Variants in RFPL4AL1 observed in about 807,000 individuals in gnomAD.
RFPL4AL1 encodes the protein ret finger protein like 4A like 1, also known as ret finger protein-like 4A-like protein 1.
A neutral mutation model predicts 8.2 loss-of-function variants in RFPL4AL1; 2 were observed. The observed-to-expected ratio is 0.24, with a 90% CI of 0.10 to 0.77. The LOEUF (loss-of-function observed/expected upper bound fraction) is 0.77, where lower values mean the gene tolerates loss of function less well. Ranked by LOEUF, RFPL4AL1 falls within the 30% of genes least tolerant of loss-of-function variation. The pLI is 0.72. For synonymous variants in RFPL4AL1, 25 were observed against 131.8 expected (o/e 0.19, Z 5.55); for missense variants, 57 against 350.3 (o/e 0.16, Z 6.68).
At chr19:55,770,206 T>C (rs1989464858) in intron 1 of RFPL4AL1, among the ~76,000 whole-genome samples, 1 of 151,998 alleles carries the variant, frequency 6.6e-6, no homozygotes, top group Admixed American at 6.6e-5. Flanking sequence ...CCAACACTTA[T>C]CTTTTGTCTT....
intron 1 of RFPL4AL1, among the ~76,000 whole-genome samples, chr19:55,770,820 C>T (rs1401916176): frequency 1.3e-5 from 2 of 151,970 alleles, no homozygotes; most frequent in Non-Finnish European, 2.9e-5. Context: ...TCTCGATTCT[C>T]TTGCGACCAC....
chr19:55,770,403 C>T (rs1279143339), intron 1 of RFPL4AL1, among the ~76,000 whole-genome samples: 1 of 151,932 alleles, frequency 6.6e-6, no homozygotes, highest in Non-Finnish European at 1.5e-5. Context: ...AGTTTCTATT[C>T]CAGAGCAAAA....
intron 1 of RFPL4AL1, among the ~76,000 whole-genome samples, chr19:55,771,088 T>G (rs1413736883): frequency 0.027 from 1,024 of 37,436 alleles, 26 homozygotes; most frequent in African/African-American, 0.049. Context: ...TGTTTTTTGT[T>G]TTTTTTTTTT....
chr19:55,770,703 A>C (rs1165451721), intron 1 of RFPL4AL1, among the ~76,000 whole-genome samples: 1 of 151,948 alleles, frequency 6.6e-6, no homozygotes, highest in Non-Finnish European at 1.5e-5. Flanking sequence ...CCGGTTTTTT[A>C]GCACCTCATG....
chr19:55,772,160 A>C, intron 2 of RFPL4AL1, 70 bp downstream of exon 2: 1 of 1,445,184 alleles, frequency 6.9e-7, no homozygotes, highest in African/African-American at 1.4e-5. Flanking sequence ...ACATTTCTTC[A>C]TTAAACATAG....
chr19:55,770,785 C>T (rs2547281), intron 1 of RFPL4AL1, among the ~76,000 whole-genome samples: 53,067 of 147,640 alleles, frequency 0.36, 9,832 homozygotes, highest in Middle Eastern at 0.5. Context: ...GTTTTGGTCT[C>T]ATGTGAAATT....
Position 55,772,838 on chromosome 19 carries a change from C to G in RFPL4AL1, c.523C>G (p.Gln175Glu). 4 of 1,550,678 alleles carry G rather than the reference C, an allele frequency of 2.6e-6. No homozygotes were observed. The change falls in exon 3 of 3, where the codon CAG becomes GAG. Residue 175 changes from glutamine (Q) to glutamate (E), a missense_variant. Coordinates refer to ENST00000341750, the MANE Select transcript of RFPL4AL1 (RefSeq NM_001277397.2). ...VGVCKESVNR[Q>E]GKIELSSEHG... Reference sequence around the variant, plus strand: ...CGTGTGCAAGGAATCTGTCAACCGACAGGGGAAGATTGAGCTTTCTTCAGA... The same window carrying G: ...CGTGTGCAAGGAATCTGTCAACCGAGAGGGGAAGATTGAGCTTTCTTCAGA...
At chr19:55,771,711 A>G in intron 1 of RFPL4AL1, 85 bp from the exon 2 acceptor site, 7 of 1,439,668 alleles carry the variant, frequency 4.9e-6, no homozygotes, top group Non-Finnish European at 6.6e-6. Flanking sequence ...AGCTCCATGC[A>G]TGTAAAGATA....
intron 1 of RFPL4AL1, among the ~76,000 whole-genome samples, chr19:55,770,308 A>T (rs1356631964): frequency 2.0e-5 from 3 of 151,912 alleles, no homozygotes; most frequent in African/African-American, 7.3e-5. Context: ...TGCCAGAGAG[A>T]ACCCAGTCCC....
At chr19:55,769,732 A>G (rs1261775404) in intron 1 of RFPL4AL1, among the ~76,000 whole-genome samples, 1 of 151,720 alleles carries the variant, frequency 6.6e-6, no homozygotes, top group Non-Finnish European at 1.5e-5. Flanking sequence ...TCTGTCTGCC[A>G]GGCTGGAGTG....
intron 1 of RFPL4AL1, among the ~76,000 whole-genome samples, chr19:55,771,455 G>A (rs1410154856): frequency 1.3e-5 from 2 of 152,026 alleles, no homozygotes; most frequent in African/African-American, 4.8e-5. Flanking sequence ...TTGGCTCACA[G>A]CACATCTCCA....
Position 55,772,793 on chromosome 19 carries a change from AG to A in RFPL4AL1, c.479del (p.Ser160ThrfsTer28), listed in dbSNP as rs1253391980. The A allele has an allele frequency of 1.3e-6, 2 of 1,548,902 alleles. No homozygotes were observed. The highest frequency in any genetic ancestry group is 1.7e-6 in the Non-Finnish European group (2 of 1,145,830). ...RHYWEVDVGT[S>X]QVWDVGVCKE... is the part of the protein sequence containing the mutation. ...TTACTGGGAGGTGGACGTGGGCACC[AG>A]CCAAGTGTGGGATGTGGGCGTGTGC... On this transcript the variant is annotated frameshift_variant, in exon 3 of 3. Transcript: ENST00000341750. LOFTEE classifies it low-confidence loss of function (END_TRUNC).
intron 1 of RFPL4AL1, among the ~76,000 whole-genome samples, chr19:55,770,214 C>G (rs1478014382): frequency 1.3e-5 from 2 of 151,960 alleles, no homozygotes; most frequent in Non-Finnish European, 2.9e-5. Flanking sequence ...TATCTTTTGT[C>G]TTTTTGATCA....
At chr19:55,770,546 A>T (rs1989472601) in intron 1 of RFPL4AL1, among the ~76,000 whole-genome samples, 2 of 151,954 alleles carry the variant, frequency 1.3e-5, no homozygotes, top group South Asian at 4.2e-4. Flanking sequence ...GGAAAAAAGC[A>T]GAGATTTTTT....
chr19:55,770,977 C>CTT (rs58993450), intron 1 of RFPL4AL1, among the ~76,000 whole-genome samples: 82 of 150,448 alleles, frequency 5.5e-4, no homozygotes, highest in South Asian at 8.4e-4. Flanking sequence ...ATTATTTTGG[C>CTT]TTTTTTTTCT....
At chr19:55,772,366 G>A (rs1990973) in intron 2 of RFPL4AL1, among the ~76,000 whole-genome samples, 111,553 of 120,360 alleles carry the variant, frequency 0.93, 51,546 homozygotes, top group African/African-American at 0.97. Context: ...AACTTATTTC[G>A]AAAGGCATTT....
At chr19:55,770,804 A>AT in intron 1 of RFPL4AL1, among the ~76,000 whole-genome samples, 1 of 151,886 alleles carries the variant, frequency 6.6e-6, no homozygotes, top group East Asian at 1.9e-4. Flanking sequence ...TTGTCACTGG[A>AT]TACGTTCTCG....
At chr19:55,770,287 G>T (rs1306621762) in intron 1 of RFPL4AL1, among the ~76,000 whole-genome samples, 1 of 151,938 alleles carries the variant, frequency 6.6e-6, no homozygotes, top group Non-Finnish European at 1.5e-5. Context: ...GGGCTCAGGA[G>T]GCTCTCTGGA....
At chr19:55,772,557 C>G in intron 2 of RFPL4AL1, 45 bp from the exon 3 acceptor site, 3 of 1,167,596 alleles carry the variant, frequency 2.6e-6, no homozygotes, top group Non-Finnish European at 3.6e-6. Context: ...CAGAGGGAGT[C>G]TGTAGTGTGT....
Sources: gnomAD v4.1 joint callset for allele counts (sites outside exome capture counted in the v4.1 genomes callset) on GRCh38, gnomAD v4.1.1 for gene constraint, MANE v1.5 for transcripts, NCBI Gene and HGNC (gene_info 2026-07-23, HGNC 2026-07-21) for gene names.